Variants in ATMIN observed in about 807,000 individuals in gnomAD.
The protein encoded by ATMIN is ATM INteracting protein.
A neutral mutation model predicts 49.2 loss-of-function variants in ATMIN; 24 were observed. The observed-to-expected ratio is 0.49, with a 90% CI of 0.35 to 0.69. The LOEUF (loss-of-function observed/expected upper bound fraction) is 0.69, where lower values mean the gene tolerates loss of function less well. Among genes scored for constraint, ATMIN ranks in the 30% least tolerant of loss-of-function variants. ATMIN has a pLI of 0.00. For missense variants in ATMIN, 1,037 were observed against 1,005.5 expected (o/e 1.03, Z -0.42); for synonymous variants, 450 against 392.5 (o/e 1.15, Z -1.73).
At chr16:81,037,596 T>C (rs990971666) in intron 1 of ATMIN, 33 of 713,246 alleles carry the variant, frequency 4.6e-5, no homozygotes, top group Non-Finnish European at 5.5e-5. Context: ...GTTTTCATAC[T>C]AAATTTTAAC....
rs912430886 is a variant in ATMIN at position 81,045,499 on chromosome 16, G to C, written c.*529G>C. ...TAAGACTCCTGCTGCCTGGACCTTC[G>C]TCAGCTTTGACACCTCTTTTCTGAT... is the stretch of plus-strand genomic sequence containing the variant. On this transcript the variant is annotated 3_prime_UTR_variant, in exon 4 of 4. Coordinates refer to ENST00000299575, the MANE Select transcript of ATMIN (RefSeq NM_015251.3). 6.5e-6 allele frequency: 1 copy of C among 153,016 alleles called. No individual in the cohort carries two copies. The highest frequency in any genetic ancestry group is 1.5e-5 in the Non-Finnish European group (1 of 68,692). The allele number at this position is 153,016 out of a possible 1,614,324, so 9.5% of individuals were successfully genotyped here. A position where few individuals can be genotyped will look rare whatever the true frequency, so the allele number is the denominator to read the frequency against.
chr16:81,043,931 C>G lies in ATMIN; in HGVS notation c.1433C>G (p.Ala478Gly). 6.2e-6 allele frequency: 10 copies of G among 1,614,198 alleles called. No individual in the cohort carries two copies. In the African/African-American group the frequency reaches 8.0e-5, roughly 13 times the overall value. ...TCATCTATAGCTGCTCAGACTGATG[C>G]ATTTATGGACACCTGTTTCCAGTCA... is the stretch of plus-strand genomic sequence containing the variant. ...VTSSIAAQTD[A>G]FMDTCFQSGG... The change falls in exon 4 of 4, where the codon GCA (alanine) becomes GGA (glycine). Residue 478 changes from alanine to glycine, a missense_variant. By Grantham distance (60) the Ala-to-Gly change is moderately conservative. Transcript: ENST00000299575.
At chr16:81,041,306 G>A in intron 1 of ATMIN, 50 bp from the exon 2 acceptor site, 1 of 1,570,270 alleles carries the variant, frequency 6.4e-7, no homozygotes, top group South Asian at 1.2e-5. Flanking sequence ...ACTCCAGCCT[G>A]TTGTGTTGTT....
chr16:81,037,125 C>G, intron 1 of ATMIN: 1 of 966,322 alleles, frequency 1.0e-6, no homozygotes, highest in South Asian at 4.8e-5. Context: ...CCAGCCCCAC[C>G]CCGGACCTGT....
At chr16:81,040,510 A>G (rs1971019163) in intron 1 of ATMIN, 2 of 152,244 alleles carry the variant, frequency 1.3e-5, no homozygotes, top group Admixed American at 6.5e-5. Flanking sequence ...GAGATTCAGT[A>G]TAATGCTACC....
intron 1 of ATMIN, among the ~76,000 whole-genome samples, chr16:81,037,697 G>A (rs1567562847): frequency 6.6e-6 from 1 of 152,078 alleles, no homozygotes; most frequent in African/African-American, 2.4e-5. Context: ...GCGCAGTGGC[G>A]CCATCTCAGC....
chr16:81,042,358 G>T lies in ATMIN; in HGVS notation c.540G>T (p.Leu180=). 1 of 1,614,176 alleles carries T rather than the reference G, an allele frequency of 6.2e-7. No individual in the cohort carries two copies. The highest frequency in any genetic ancestry group is 8.5e-7 in the Non-Finnish European group (1 of 1,180,036). Residue 180 remains leucine (L), a synonymous_variant, in exon 3 of 4, where the codon CTG becomes CTT. Transcript: ENST00000299575. ...ATTCGTACGGTACAGAATGGGACCT[G>T]AAAAGACATGCAGAGGACTGTGGCA... ...CSNSYGTEWD[L]KRHAEDCGKT...
At position 81,044,237 on chromosome 16, in the gene ATMIN, T is replaced by G. The variant is rs1413082384; in HGVS notation, c.1739T>G (p.Met580Arg). The G allele has an allele frequency of 4.3e-6, 7 of 1,614,060 alleles. No homozygotes were observed. Residue 580 changes from methionine to arginine, a missense_variant, in exon 4 of 4, where the codon ATG becomes AGG. By Grantham distance (91) the Met-to-Arg change is moderately conservative. Transcript: ENST00000299575. ...AQNSMLPSQN[M>R]TDNQTQTIDL... ...AATAGTATGCTTCCTTCACAGAACA[T>G]GACAGATAATCAGACCCAAACCATA...
Position 81,045,816 on chromosome 16 carries a change from A to AT in ATMIN, c.*861dup, listed in dbSNP as rs749795984. On this transcript the variant is annotated 3_prime_UTR_variant, in exon 4 of 4. Transcript: ENST00000299575. ...AACGTAAGAAGACCGTGTCTCTGGA[A>AT]TTTTTTTTTTTTTTTAATTAGCCAG... 410 of 144,696 alleles carry AT rather than the reference A, an allele frequency of 2.8e-3. 1 individual carries two copies. Among genetic ancestry groups the AT allele is most frequent in the Admixed American group, 5.1e-3 (73 of 14,380 alleles). The allele number at this position is 144,696 out of a possible 1,614,324, so 9.0% of individuals were successfully genotyped here. A position where few individuals can be genotyped will look rare whatever the true frequency, so the allele number is the denominator to read the frequency against.
Position 81,043,479 on chromosome 16 carries a change from T to A in ATMIN, c.981T>A (p.Pro327=), listed in dbSNP as rs748559297. The change falls in exon 4 of 4, where the codon CCT becomes CCA. Residue 327 remains proline, a synonymous_variant. Transcript: ENST00000299575. ...FVPTADSSAQ[P]VVLGVDQGSA... is the part of the protein sequence containing the mutation. Reference sequence around the variant, plus strand: ...CTACAGCCGACTCCTCAGCCCAGCCTGTGGTGTTAGGTGTTGATCAGGGCT... The same window carrying A: ...CTACAGCCGACTCCTCAGCCCAGCCAGTGGTGTTAGGTGTTGATCAGGGCT... 4.3e-6 allele frequency: 7 copies of A among 1,614,048 alleles called. No homozygotes were observed. The highest frequency in any genetic ancestry group is 1.1e-5 in the South Asian group (1 of 91,086).
chr16:81,040,365 G>A (rs1971017251), intron 1 of ATMIN, among the ~76,000 whole-genome samples: 1 of 152,166 alleles, frequency 6.6e-6, no homozygotes, highest in Non-Finnish European at 1.5e-5. Context: ...GTGGTGGGGT[G>A]TTGGCTCTCA....
At chr16:81,038,860 ATCTCGGCTCACTGCAACTTCCGCT>A (rs1970991267) in intron 1 of ATMIN, among the ~76,000 whole-genome samples, 1 of 152,048 alleles carries the variant, frequency 6.6e-6, no homozygotes, top group Non-Finnish European at 1.5e-5. Flanking sequence ...CAGTGGCATG[ATCTCGGCTCACTGCAACTTCCGCT>A]TCTCGGGTTC....
Position 81,044,472 on chromosome 16 carries a change from C to A in ATMIN, c.1974C>A (p.Thr658=). The change falls in exon 4 of 4, where the codon ACC becomes ACA. Residue 658 remains threonine, a synonymous_variant. Transcript: ENST00000299575. ...AAACTGAAGAGAGTGAACTTAGCAC[C>A]ATGACCACCGAGCCAGTCTTGGAGT... ...QTQTEESELS[T]MTTEPVLESL... is the part of the protein sequence containing the mutation. The A allele has an allele frequency of 6.2e-7, 1 of 1,614,008 alleles. No individual in the cohort carries two copies.
rs947932042 is a variant in ATMIN at position 81,035,851 on chromosome 16, C to T, written c.-20C>T. On this transcript the variant is annotated 5_prime_UTR_variant, in exon 1 of 4. Coordinates refer to ENST00000299575, the MANE Select transcript of ATMIN (RefSeq NM_015251.3). ...CGGGGGCGGGGCCTACGAACTGGGCCGGGCGGCCGTGCGGGAGCCATGGCG... is the reference window on the plus strand; with the variant it reads ...CGGGGGCGGGGCCTACGAACTGGGCTGGGCGGCCGTGCGGGAGCCATGGCG... 7 of 795,496 alleles carry T rather than the reference C, an allele frequency of 8.8e-6. No individual in the cohort carries two copies. In the East Asian group the frequency reaches 5.1e-4, roughly 58 times the overall value. 49.3% of individuals were successfully genotyped at this position (795,496 alleles called of 1,614,324 possible).
In ATMIN at chr16:81,046,480, TCAAAG is replaced by T. The variant is rs1209852377; in HGVS notation, c.*1511_*1515del. The stretch of plus-strand genomic sequence containing the variant: ...TTTCTTAAGTGAATAATACCAGTCT[TCAAAG>T]AAAACAAGGTGAAGACCTATTGCTT... On this transcript the variant is annotated 3_prime_UTR_variant, in exon 4 of 4. Coordinates refer to ENST00000299575, the MANE Select transcript of ATMIN (RefSeq NM_015251.3). 1 of 152,176 alleles carries T rather than the reference TCAAAG, an allele frequency of 6.6e-6. No homozygotes were observed. The highest frequency in any genetic ancestry group is 1.5e-5 in the Non-Finnish European group (1 of 68,028). 9.4% of individuals were successfully genotyped at this position (152,176 alleles called of 1,614,324 possible). A position where few individuals can be genotyped will look rare whatever the true frequency, so the allele number is the denominator to read the frequency against.
chr16:81,041,459 C>T lies in ATMIN; in HGVS notation c.440C>T (p.Ser147Phe). 3 of 1,609,390 alleles carry T rather than the reference C, an allele frequency of 1.9e-6. No homozygotes were observed. The highest frequency in any genetic ancestry group is 2.5e-6 in the Non-Finnish European group (3 of 1,178,982). The part of the protein sequence containing the change: ...GCPRGPERPF[S>F]QFSLVKQHFM... ...CCCAGAGGCCCTGAGAGACCGTTTT[C>T]TCAGTTTTCTCTCGTAAAACAGGTA... is the stretch of plus-strand genomic sequence containing the variant. Residue 147 changes from serine (S) to phenylalanine (F), a missense_variant, in exon 2 of 4, where the codon TCT (serine) becomes TTT (phenylalanine). Ser to Phe is a radical substitution (Grantham distance 155, BLOSUM62 -2). Transcript: ENST00000299575.
At chr16:81,041,122 G>C in intron 1 of ATMIN, 1 of 432,572 alleles carries the variant, frequency 2.3e-6, no homozygotes, top group Non-Finnish European at 4.2e-6. Context: ...AATTGACTAA[G>C]AGGAATTCAG....
chr16:81,044,938 T>G lies in ATMIN; in HGVS notation c.2440T>G (p.Ser814Ala). Residue 814 changes from serine to alanine, a missense_variant, in exon 4 of 4, where the codon TCT (serine) becomes GCT (alanine). By Grantham distance (99) the Ser-to-Ala change is moderately conservative. Transcript: ENST00000299575. ...SQFSSVETQT[S>A]AEPHTVSNF ...GTTCAGCTCTGTAGAAACCCAGACT[T>G]CTGCGGAACCACACACAGTCTCCAA... 1.2e-6 allele frequency: 2 copies of G among 1,613,856 alleles called. No individual in the cohort carries two copies. The highest frequency in any genetic ancestry group is 1.7e-6 in the Non-Finnish European group (2 of 1,179,762).
At chr16:81,039,968 C>T (rs1314392178) in intron 1 of ATMIN, among the ~76,000 whole-genome samples, 3 of 152,122 alleles carry the variant, frequency 2.0e-5, no homozygotes, top group Non-Finnish European at 4.4e-5. Flanking sequence ...TCAGGTGGTG[C>T]TAGAGTAGCT....
Sources: allele counts gnomAD v4.1 joint callset (sites outside exome capture counted in the v4.1 genomes callset), GRCh38; gene constraint gnomAD v4.1.1; transcripts MANE v1.5; gene names NCBI Gene and HGNC (gene_info 2026-07-23, HGNC 2026-07-21).